The following FCGR3A variants were observed in gnomAD, a reference collection of about 807,000 sequenced individuals.
FCGR3A encodes Fc gamma receptor IIIa.
FCGR3A carries 13 observed loss-of-function variants against 24.1 expected under a neutral mutation model. That is an observed-to-expected ratio of 0.54 (90% CI 0.35 to 0.86). The LOEUF is 0.86. Ranked by LOEUF, FCGR3A falls within the 40% of genes least tolerant of loss-of-function variation. FCGR3A has a pLI of 0.01. For synonymous variants in FCGR3A, 93 were observed against 112.2 expected (o/e 0.83, Z 1.08); for missense variants, 235 against 298.0 (o/e 0.79, Z 1.56).
intron 4 of FCGR3A, among the ~76,000 whole-genome samples, chr1:161,543,463 G>T (rs566881658): frequency 4.6e-5 from 7 of 152,344 alleles, no homozygotes; most frequent in African/African-American, 1.7e-4. Context: ...TAACAAGTTA[G>T]GTTGTAAGCT....
upstream of FCGR3A, among the ~76,000 whole-genome samples, chr1:161,550,279 T>C (rs1380377816): frequency 6.6e-6 from 1 of 152,206 alleles, no homozygotes; most frequent in African/African-American, 2.4e-5. Context: ...CCACTAGCAG[T>C]GTCTCTGCCT....
rs146523658 is a variant in FCGR3A, at chr1:161,543,087, C to T, written c.690G>A (p.Lys230=). 3.1e-6 allele frequency: 5 copies of T among 1,613,328 alleles called. No individual in the cohort carries two copies. The highest frequency in any genetic ancestry group is 3.3e-4 in the Middle Eastern group (2 of 6,056). ...AVDTGLYFSV[K]TNIRSSTRDW... The stretch of plus-strand genomic sequence containing the variant: ...CTCTTGTTGAGCTTCGAATGTTTGT[C>T]TTCACAGAGAAATATAGTCCTGTGT... The change falls in exon 5 of 5, where the codon AAG becomes AAA. Residue 230 remains lysine (K), a synonymous_variant. Coordinates refer to ENST00000443193, the MANE Select transcript of FCGR3A (RefSeq NM_000569.8).
In FCGR3A at chr1:161,547,481, T is replaced by A. The variant is rs4233375; in HGVS notation, c.319+940A>T. Among the ~76,000 whole-genome samples the A allele has an allele frequency of 2.9e-5, 4 of 138,958 alleles. No individual in the cohort carries two copies. In the Admixed American group the frequency reaches 3.0e-4, roughly 10 times the overall value. The allele number at this position is 138,958 out of a possible 152,430, so 91.2% of individuals were successfully genotyped here. A position where few individuals can be genotyped will look rare whatever the true frequency, so the allele number is the denominator to read the frequency against. ...GATTGTAGGGACACCAGGAAAGACCTCTGCCTTCAAAATATTTCTCCTACC... is the reference window on the plus strand; with the variant it reads ...GATTGTAGGGACACCAGGAAAGACCACTGCCTTCAAAATATTTCTCCTACC... On this transcript the variant is annotated intron_variant, in intron 3 of 4. Transcript: ENST00000443193.
chr1:161,544,984 C>T (rs773095853), intron 3 of FCGR3A, 26 bp from the exon 4 acceptor site: 99 of 1,596,350 alleles, frequency 6.2e-5, no homozygotes, highest in East Asian at 1.8e-4. Flanking sequence ...ACCCCAGGCC[C>T]GGGAGGCCTC....
At chr1:161,548,165 T>C (rs1259502220) in intron 3 of FCGR3A, among the ~76,000 whole-genome samples, 1 of 152,298 alleles carries the variant, frequency 6.6e-6, no homozygotes, top group African/African-American at 2.4e-5. Context: ...ACATTCACAT[T>C]GTATGCACTC....
rs2102517859 is a variant in FCGR3A at position 161,543,118 on chromosome 1, G to A, written c.659C>T (p.Ala220Val). 1 of 1,613,354 alleles carries A rather than the reference G, an allele frequency of 6.2e-7. No homozygotes were observed. Among genetic ancestry groups the A allele is most frequent in the Non-Finnish European group, 8.5e-7 (1 of 1,179,572 alleles). Residue 220 changes from alanine to valine, a missense_variant, in exon 5 of 5, where the codon GCA becomes GTA. Transcript: ENST00000443193. ...SFCLVMVLLF[A>V]VDTGLYFSVK... ...AGAGAAATATAGTCCTGTGTCCACTGCAAAAAGGAGTACCATCACCAAGCA... is the reference window on the plus strand; with the variant it reads ...AGAGAAATATAGTCCTGTGTCCACTACAAAAAGGAGTACCATCACCAAGCA...
In FCGR3A at chr1:161,543,871, A is replaced by G. The variant is rs540245473; in HGVS notation, c.578-672T>C. Among the ~76,000 whole-genome samples the G allele has an allele frequency of 2.0e-5, 3 of 152,366 alleles. No individual in the cohort carries two copies. In the East Asian group the frequency reaches 5.8e-4, roughly 29 times the overall value. ...GAAGTTCTGTGAAACTGGAAAGTCC[A>G]GGCACACCACTCTAGAGCTCTGATT... On this transcript the variant is annotated intron_variant, in intron 4 of 4. Transcript: ENST00000443193.
chr1:161,543,299 C>T, intron 4 of FCGR3A, 100 bp from the exon 5 acceptor site: 1 of 1,386,672 alleles, frequency 7.2e-7, no homozygotes, highest in Non-Finnish European at 9.9e-7. Flanking sequence ...TGACAACAGC[C>T]AACAGGCAAG....
intron 3 of FCGR3A, among the ~76,000 whole-genome samples, chr1:161,547,469 C>G (rs1677476268): frequency 6.6e-6 from 1 of 152,134 alleles, no homozygotes; most frequent in Non-Finnish European, 1.5e-5. Context: ...TGTAGGGACA[C>G]CAGGAAAGAC....
At chr1:161,546,862 G>A (rs564290478) in intron 3 of FCGR3A, among the ~76,000 whole-genome samples, 4 of 151,906 alleles carry the variant, frequency 2.6e-5, no homozygotes, top group African/African-American at 4.8e-5. Flanking sequence ...CCAAGATTGC[G>A]CCACTGCACT....
Position 161,548,687 on chromosome 1 carries a change from C to A in FCGR3A, c.62-9G>T, listed in dbSNP as rs570953466. 89 of 1,613,810 alleles carry A rather than the reference C, an allele frequency of 5.5e-5. No individual in the cohort carries two copies. The East Asian group carries it at 1.8e-3, about 32-fold the overall frequency. On this transcript the variant is annotated splice_polypyrimidine_tract_variant and intron_variant, in intron 2 of 4. Coordinates refer to ENST00000443193, the MANE Select transcript of FCGR3A (RefSeq NM_000569.8). The stretch of plus-strand genomic sequence containing the variant: ...AGCCTTTGGGAGATCTTCTGAGGAG[C>A]CAAGATAATGTGGGGTGAGGACAGG...
At chr1:161,548,143 C>A (rs1408966718) in intron 3 of FCGR3A, among the ~76,000 whole-genome samples, 3 of 152,284 alleles carry the variant, frequency 2.0e-5, no homozygotes, top group Non-Finnish European at 2.9e-5. Context: ...CATGGCCTAA[C>A]CTTCACATGA....
At chr1:161,549,828 C>G (rs1231898548), upstream of FCGR3A, 1 of 1,613,674 alleles carries the variant, frequency 6.2e-7, no homozygotes, top group Admixed American at 1.7e-5. Context: ...CAGCCTTTCC[C>G]CAGCCCCTCC....
At chr1:161,550,732 C>CA (rs1677740105), upstream of FCGR3A, 3 of 152,574 alleles carry the variant, frequency 2.0e-5, no homozygotes, top group Admixed American at 6.5e-5. Flanking sequence ...TGGTTACTCT[C>CA]ACAATGGTCC....
At chr1:161,550,024 G>C, upstream of FCGR3A, 1 of 678,556 alleles carries the variant, frequency 1.5e-6, no homozygotes, top group African/African-American at 1.8e-5. Flanking sequence ...GACACACACA[G>C]AATCTGCCAG....
intron 3 of FCGR3A, among the ~76,000 whole-genome samples, chr1:161,547,737 G>A (rs1677492701): frequency 6.6e-6 from 1 of 152,250 alleles, no homozygotes; most frequent in South Asian, 2.1e-4. Context: ...GAGCGAGAAG[G>A]AGATTGAGGT....
rs764137201 is a variant in FCGR3A, at chr1:161,548,531, T to G, written c.209A>C (p.Gln70Pro). 1.4e-5 allele frequency: 22 copies of G among 1,613,910 alleles called. No individual in the cohort carries two copies. In the South Asian group the frequency reaches 2.3e-4, roughly 17 times the overall value. The change falls in exon 3 of 5, where the codon CAG (glutamine) becomes CCG (proline). Residue 70 changes from glutamine (Q) to proline (P), a missense_variant. Transcript: ENST00000443193. ...AGCGTCAATGAAGTAGCTCGAGGCC[T>G]GGCTTGAGATGAGGCTCTCATTGTG... ...WFHNESLISS[Q>P]ASSYFIDAAT...
intron 4 of FCGR3A, among the ~76,000 whole-genome samples, chr1:161,543,891 C>G (rs1376933810): frequency 6.6e-6 from 1 of 152,216 alleles, no homozygotes; most frequent in African/African-American, 2.4e-5. Flanking sequence ...CTCTAGAGCT[C>G]TGATTCTGGA....
upstream of FCGR3A, chr1:161,550,681 CCTCTT>C (rs1265121272): frequency 6.6e-6 from 1 of 152,460 alleles, no homozygotes; most frequent in Non-Finnish European, 1.5e-5. Flanking sequence ...GGGTTGTTAA[CCTCTT>C]CTCTTCTCTC....
Sources: gnomAD v4.1 joint callset for allele counts (sites outside exome capture counted in the v4.1 genomes callset) on GRCh38, gnomAD v4.1.1 for gene constraint, MANE v1.5 for transcripts, NCBI Gene and HGNC (gene_info 2026-07-23, HGNC 2026-07-21) for gene names.